Variants in HYAL4 observed in about 807,000 individuals in gnomAD.
HYAL4 encodes the protein hyaluronidase-4.
A neutral mutation model predicts 35.2 loss-of-function variants in HYAL4; 37 were observed. The ratio of observed to expected loss-of-function variants is 1.05; its 90% CI spans 0.81 to 1.38. HYAL4 has a LOEUF of 1.38. Among genes scored for constraint, HYAL4 ranks in the 40% most tolerant of loss-of-function variants. The pLI, the probability that HYAL4 is intolerant of heterozygous loss-of-function variation, is 0.00. For missense variants in HYAL4, 572 were observed against 572.4 expected (o/e 1.00, Z 0.01); for synonymous variants, 198 against 203.2 (o/e 0.97, Z 0.22).
the HYAL4 span, among the ~76,000 whole-genome samples, chr7:123,796,539 C>A: frequency 1.3e-5 from 2 of 152,088 alleles, no homozygotes; most frequent in African/African-American, 4.8e-5. Context: ...ATCAGGCAGT[C>A]TGTTGACACA....
At chr7:123,781,773 AT>A in the HYAL4 span, among the ~76,000 whole-genome samples, 1 of 152,242 alleles carries the variant, frequency 6.6e-6, no homozygotes, top group African/African-American at 2.4e-5. Flanking sequence ...TTAAAATAGT[AT>A]TAAAATTAAT....
At chr7:123,838,360 A>G (rs1429021702) in intron 1 of HYAL4, among the ~76,000 whole-genome samples, 3 of 152,076 alleles carry the variant, frequency 2.0e-5, no homozygotes, top group Admixed American at 2.0e-4. Context: ...AAATATTGCA[A>G]TGAAAAACTA....
the HYAL4 span, among the ~76,000 whole-genome samples, chr7:123,822,117 T>C: frequency 2.6e-5 from 4 of 152,206 alleles, no homozygotes; most frequent in African/African-American, 9.6e-5. Flanking sequence ...AAGGTTACTT[T>C]GGCTGTTCTG....
chr7:123,877,271 A>G lies in HYAL4; in HGVS notation c.*116A>G, dbSNP rs1807054570. ...CTATTGAGAGATATTATAAGTAGAC[A>G]TTATGTATGTCACTTAACATAAACA... On this transcript the variant is annotated 3_prime_UTR_variant, in exon 5 of 5. Transcript: ENST00000223026. 6.0e-6 allele frequency: 6 copies of G among 1,004,328 alleles called. No individual in the cohort carries two copies. Among genetic ancestry groups the G allele is most frequent in the South Asian group, 3.4e-5 (2 of 58,816 alleles). The allele number at this position is 1,004,328 out of a possible 1,614,324, so 62.2% of individuals were successfully genotyped here. A position where few individuals can be genotyped will look rare whatever the true frequency, so the allele number is the denominator to read the frequency against.
chr7:123,838,515 C>A (rs899189839), intron 1 of HYAL4, among the ~76,000 whole-genome samples: 4 of 151,606 alleles, frequency 2.6e-5, no homozygotes, highest in Non-Finnish European at 5.9e-5. Flanking sequence ...TTTTGTATGG[C>A]TTTTGCATTG....
At chr7:123,834,125 A>G (rs1167412034) in intron 1 of HYAL4, among the ~76,000 whole-genome samples, 1 of 151,984 alleles carries the variant, frequency 6.6e-6, no homozygotes, top group Non-Finnish European at 1.5e-5. Context: ...ATGAAGAATC[A>G]TGGTGGTATT....
In HYAL4 at chr7:123,869,014, GCT is replaced by G; in HGVS notation, c.746_747del (p.Ser249LeufsTer23). 6.2e-7 allele frequency: 1 copy of G among 1,614,058 alleles called. No homozygotes were observed. Among genetic ancestry groups the G allele is most frequent in the African/African-American group, 1.3e-5 (1 of 75,050 alleles). On this transcript the variant is annotated frameshift_variant, in exon 3 of 5. Coordinates refer to ENST00000223026, the MANE Select transcript of HYAL4 (RefSeq NM_012269.3). LOFTEE classifies it high-confidence loss of function. ...AAGACGAAGTCTTGAGGAACAATGAGCTCTCTTGGCTCTGGAACAGCAGTGCT... is the reference window on the plus strand; with the variant it reads ...AAGACGAAGTCTTGAGGAACAATGAGCTCTTGGCTCTGGAACAGCAGTGCT... ...PEDEVLRNNE[L>X]SWLWNSSAAL... is the part of the protein sequence containing the mutation.
At chr7:123,865,476 G>A (rs1044958613) in intron 2 of HYAL4, among the ~76,000 whole-genome samples, 7 of 152,134 alleles carry the variant, frequency 4.6e-5, no homozygotes, top group African/African-American at 1.7e-4. Flanking sequence ...TAGAGCTACA[G>A]TATGATATAT....
At chr7:123,855,254 G>A (rs978408019) in intron 2 of HYAL4, among the ~76,000 whole-genome samples, 4 of 152,120 alleles carry the variant, frequency 2.6e-5, no homozygotes, top group African/African-American at 9.7e-5. Context: ...TATGATGCTA[G>A]CTGGTTATTT....
chr7:123,795,251 TA>T, the HYAL4 span, among the ~76,000 whole-genome samples: 1 of 152,358 alleles, frequency 6.6e-6, no homozygotes, highest in African/African-American at 2.4e-5. Flanking sequence ...TACAGGCTCT[TA>T]AGCAGAAGGG....
upstream of HYAL4, among the ~76,000 whole-genome samples, chr7:123,842,150 C>T (rs1195515190): frequency 1.3e-5 from 2 of 152,010 alleles, no homozygotes; most frequent in Non-Finnish European, 2.9e-5. Context: ...ATAAATTTCC[C>T]TCTACACACT....
At chr7:123,819,112 CTCGGGTAA>C in the HYAL4 span, among the ~76,000 whole-genome samples, 12 of 152,162 alleles carry the variant, frequency 7.9e-5, no homozygotes, top group African/African-American at 2.9e-4. Flanking sequence ...CCACCTCAGC[CTCGGGTAA>C]TCACCATTCT....
At chr7:123,806,743 C>T in the HYAL4 span, among the ~76,000 whole-genome samples, 1 of 152,156 alleles carries the variant, frequency 6.6e-6, no homozygotes, top group African/African-American at 2.4e-5. Context: ...TGAGCCACCA[C>T]GCCCGGCCCT....
At chr7:123,813,227 TA>T in the HYAL4 span, among the ~76,000 whole-genome samples, 4 of 152,226 alleles carry the variant, frequency 2.6e-5, no homozygotes, top group Admixed American at 2.6e-4. Flanking sequence ...TTCCTTTATT[TA>T]AAAAAATCCA....
Position 123,868,268 on chromosome 7 carries a change from C to T in HYAL4, c.-6C>T, listed in dbSNP as rs1806748060. ...GCAGAAGATAACGTAACATTTTTAT[C>T]TTACCATGAAAGTATTATCTGAAGG... On this transcript the variant is annotated 5_prime_UTR_variant, in exon 3 of 5. Coordinates refer to ENST00000223026, the MANE Select transcript of HYAL4 (RefSeq NM_012269.3). 2.7e-6 allele frequency: 4 copies of T among 1,485,986 alleles called. No homozygotes were observed. In the South Asian group the frequency reaches 4.1e-5, roughly 15 times the overall value. 92.1% of individuals were successfully genotyped at this position (1,485,986 alleles called of 1,614,324 possible).
At chr7:123,835,755 C>T (rs1805954330) in intron 1 of HYAL4, among the ~76,000 whole-genome samples, 1 of 152,054 alleles carries the variant, frequency 6.6e-6, no homozygotes, top group Non-Finnish European at 1.5e-5. Context: ...TGCTGTATCC[C>T]AGAGGTTTTA....
At chr7:123,859,159 A>AG (rs1312350234) in intron 2 of HYAL4, among the ~76,000 whole-genome samples, 2 of 152,184 alleles carry the variant, frequency 1.3e-5, no homozygotes, top group African/African-American at 2.4e-5. Flanking sequence ...TAGCTTCCTG[A>AG]GTTATTTAAA....
intron 1 of HYAL4, among the ~76,000 whole-genome samples, chr7:123,834,314 A>G (rs529197998): frequency 1.1e-4 from 17 of 152,066 alleles, no homozygotes; most frequent in Admixed American, 9.2e-4. Context: ...TTAGTTAGAT[A>G]TATTTCTAAG....
upstream of HYAL4, among the ~76,000 whole-genome samples, chr7:123,842,443 C>A (rs544207597): frequency 6.6e-6 from 1 of 151,856 alleles, no homozygotes. Context: ...AGAATAAGTG[C>A]GATGTGGTGC....
Sources: allele counts gnomAD v4.1 joint callset (sites outside exome capture counted in the v4.1 genomes callset), GRCh38; gene constraint gnomAD v4.1.1; transcripts MANE v1.5; gene names NCBI Gene and HGNC (gene_info 2026-07-23, HGNC 2026-07-21).